The following ING5 variants were observed in gnomAD, a reference collection of about 807,000 sequenced individuals.
The protein encoded by ING5 is inhibitor of growth family member 5, also known as inhibitor of growth protein 5.
ING5 carries 17 observed loss-of-function variants against 37.4 expected under a neutral mutation model. That is an observed-to-expected ratio of 0.45 (90% CI 0.31 to 0.68). The LOEUF is 0.68. Ranked by LOEUF, ING5 falls within the 30% of genes least tolerant of loss-of-function variation. ING5 has a pLI of 0.05. For missense variants in ING5, 233 were observed against 311.9 expected (o/e 0.75, Z 1.91); for synonymous variants, 123 against 116.6 (o/e 1.06, Z -0.36).
At position 241,717,004 on chromosome 2, in the gene ING5, T is replaced by C. The variant is rs529518223; in HGVS notation, c.482+4933T>C. ...ATATAGTCTCAAAAAAATGTGTAGA[T>C]TTTAAGTGTTCTCACCACAAAAGTC... is the stretch of plus-strand genomic sequence containing the variant. On this transcript the variant is annotated intron_variant, in intron 5 of 7. Coordinates refer to ENST00000313552, the MANE Select transcript of ING5 (RefSeq NM_032329.6). Among the ~76,000 whole-genome samples, 14 of 152,184 alleles carry C rather than the reference T, an allele frequency of 9.2e-5. No homozygotes were observed. In the South Asian group the frequency reaches 2.9e-3, roughly 32 times the overall value.
exon 1 of ING5, chr2:241,687,507 G>T (rs527290084): frequency 2.5e-6 from 1 of 393,826 alleles, no homozygotes; most frequent in African/African-American, 2.1e-5. Context: ...CAGGGCTCTG[G>T]AAAGTCCGTG....
intron 5 of ING5, among the ~76,000 whole-genome samples, chr2:241,715,226 A>C (rs141522956): frequency 6.6e-6 from 1 of 151,690 alleles, no homozygotes; most frequent in African/African-American, 2.4e-5. Flanking sequence ...ATGAGGTCTC[A>C]CTCTGTCACC....
intron 7 of ING5, chr2:241,723,652 C>A: frequency 9.7e-7 from 1 of 1,033,300 alleles, no homozygotes; most frequent in Non-Finnish European, 1.5e-6. Context: ...GGAAATATAG[C>A]ATGAGATGTG....
intron 1 of ING5, among the ~76,000 whole-genome samples, chr2:241,702,684 G>A (rs963055006): frequency 6.6e-6 from 1 of 152,368 alleles, no homozygotes; most frequent in Admixed American, 6.5e-5. Context: ...AGTCGGCCCT[G>A]GTGGGCGGGC....
At chr2:241,715,129 G>A (rs570162447) in intron 5 of ING5, among the ~76,000 whole-genome samples, 1 of 152,132 alleles carries the variant, frequency 6.6e-6, no homozygotes, top group Non-Finnish European at 1.5e-5. Context: ...GATATATTAT[G>A]ATTTTGATAT....
upstream of ING5, chr2:241,702,036 C>T (rs2069742307): frequency 2.2e-6 from 3 of 1,365,520 alleles, no homozygotes; most frequent in African/African-American, 1.5e-5. Flanking sequence ...CGCCCGCCCG[C>T]GCAGACCCCG....
At chr2:241,701,503 A>AG (rs938721511), upstream of ING5, among the ~76,000 whole-genome samples, 5 of 152,044 alleles carry the variant, frequency 3.3e-5, no homozygotes, top group African/African-American at 1.2e-4. Flanking sequence ...GCCCTGAGGG[A>AG]GGGGCAGCTC....
chr2:241,693,393 G>A (rs979632001), intron 2 of ING5, among the ~76,000 whole-genome samples: 2 of 151,944 alleles, frequency 1.3e-5, no homozygotes, highest in Non-Finnish European at 2.9e-5. Context: ...GCTTCGAGTT[G>A]TGCTGGTACT....
At position 241,725,377 on chromosome 2, in the gene ING5, C is replaced by G; in HGVS notation, c.*346C>G. The G allele has an allele frequency of 3.3e-6, 1 of 305,556 alleles. No individual in the cohort carries two copies. Among genetic ancestry groups the G allele is most frequent in the East Asian group, 8.8e-5 (1 of 11,332 alleles). The allele number at this position is 305,556 out of a possible 1,614,324, so 18.9% of individuals were successfully genotyped here. On this transcript the variant is annotated 3_prime_UTR_variant, in exon 8 of 8. Transcript: ENST00000313552. ...CCTGGTCCACGGAGGGCGGCCGCCA[C>G]CCTCGCGTAGCTTTCCTGTGGTTTT...
At chr2:241,702,449 C>T (rs147557078) in intron 1 of ING5, among the ~76,000 whole-genome samples, 14,273 of 151,940 alleles carry the variant, frequency 0.094, 679 homozygotes, top group South Asian at 0.13. Flanking sequence ...CAGCTCCGGC[C>T]CCGGCCCCGC....
chr2:241,702,391 C>T (rs1174488257), intron 1 of ING5, among the ~76,000 whole-genome samples: 1 of 151,142 alleles, frequency 6.6e-6, no homozygotes, highest in Non-Finnish European at 1.5e-5. Flanking sequence ...CGACCCCGCC[C>T]ACATATTAGG....
intron 5 of ING5, among the ~76,000 whole-genome samples, chr2:241,716,062 A>C (rs2070259600): frequency 1.3e-5 from 2 of 151,270 alleles, no homozygotes; most frequent in Non-Finnish European, 3.0e-5. Context: ...CCTCCCTGTA[A>C]AGTGCTGGGA....
intron 5 of ING5, chr2:241,719,379 C>A (rs1389308006): frequency 1.5e-6 from 1 of 686,770 alleles, no homozygotes; most frequent in South Asian, 1.7e-5. Flanking sequence ...CCAACACCCC[C>A]CACTCTGGCT....
chr2:241,721,868 A>G (rs1325186758), intron 5 of ING5: 8 of 985,432 alleles, frequency 8.1e-6, no homozygotes, highest in Middle Eastern at 5.2e-4. Context: ...TGGGACGGCC[A>G]TGGTGCTACA....
intron 2 of ING5, among the ~76,000 whole-genome samples, chr2:241,705,394 C>CTTTTTTTTTTTTTT (rs774566608): frequency 1.8e-4 from 21 of 117,268 alleles, no homozygotes; most frequent in South Asian, 6.3e-4. Context: ...CTGTTTTTTT[C>CTTTTTTTTTTTTTT]TTTTTTTTTT....
intron 5 of ING5, among the ~76,000 whole-genome samples, chr2:241,718,388 CCTT>C (rs2070337060): frequency 7.9e-6 from 1 of 126,380 alleles, no homozygotes; most frequent in African/African-American, 2.9e-5. Context: ...TCCCTCCCTT[CCTT>C]CCTTCCTTCC....
At chr2:241,713,966 G>T (rs1198135041) in intron 5 of ING5, among the ~76,000 whole-genome samples, 2 of 151,634 alleles carry the variant, frequency 1.3e-5, no homozygotes, top group East Asian at 3.9e-4. Flanking sequence ...CCCCAGCCTG[G>T]GTGACAGAGC....
intron 2 of ING5, among the ~76,000 whole-genome samples, chr2:241,707,193 A>T (rs2069946045): frequency 6.6e-6 from 1 of 152,062 alleles, no homozygotes; most frequent in South Asian, 2.1e-4. Context: ...TCTCAACCTC[A>T]GGTGATCTGC....
chr2:241,692,677 T>A (rs558039092), intron 2 of ING5, among the ~76,000 whole-genome samples: 1 of 152,164 alleles, frequency 6.6e-6, no homozygotes, highest in African/African-American at 2.4e-5. Flanking sequence ...AGGAGCTGAC[T>A]CAGCAAGGAA....
Sources: gnomAD v4.1 joint callset for allele counts (sites outside exome capture counted in the v4.1 genomes callset) on GRCh38, gnomAD v4.1.1 for gene constraint, MANE v1.5 for transcripts, NCBI Gene and HGNC (gene_info 2026-07-23, HGNC 2026-07-21) for gene names.